MYO3B: variants seen among roughly 807,000 people sequenced by gnomAD.
MYO3B encodes the protein myosin IIIB.
In MYO3B, 156 loss-of-function variants were observed where a neutral mutation model predicts 174.6. That is an observed-to-expected ratio of 0.89 (90% CI 0.78 to 1.02). MYO3B has a LOEUF of 1.02. Among genes scored for constraint, MYO3B ranks in the 50% least tolerant of loss-of-function variants. MYO3B has a pLI of 0.00. For synonymous variants in MYO3B, 563 were observed against 569.1 expected (o/e 0.99, Z 0.15); for missense variants, 1,632 against 1,639.4 (o/e 1.00, Z 0.08).
chr2:170,652,343 A>T (rs1699065671), intron 34 of MYO3B, among the ~76,000 whole-genome samples, 189 bp downstream of exon 34: 2 of 152,330 alleles, frequency 1.3e-5, no homozygotes, highest in South Asian at 2.1e-4. Flanking sequence ...TCTGTCCAAA[A>T]AGGTTGAAAT....
At chr2:170,530,349 G>A (rs111635576) in intron 30 of MYO3B, among the ~76,000 whole-genome samples, 2 of 152,280 alleles carry the variant, frequency 1.3e-5, no homozygotes, top group East Asian at 3.9e-4. Context: ...GGCCTTCCTC[G>A]CTCTGATCCA....
chr2:170,568,957 A>G (rs1401358249), intron 32 of MYO3B, among the ~76,000 whole-genome samples: 1 of 152,222 alleles, frequency 6.6e-6, no homozygotes, highest in Non-Finnish European at 1.5e-5. Flanking sequence ...GTGTCCTATT[A>G]GATAAGTTTC....
intron 25 of MYO3B, among the ~76,000 whole-genome samples, chr2:170,475,411 T>C (rs941214257): frequency 6.6e-6 from 1 of 152,158 alleles, no homozygotes; most frequent in African/African-American, 2.4e-5. Flanking sequence ...CCACCATGCC[T>C]GGCTAATTTT....
At position 170,382,076 on chromosome 2, in the gene MYO3B, T is replaced by G; in HGVS notation, c.1032T>G (p.Leu344=). 1 of 1,613,604 alleles carries G rather than the reference T, an allele frequency of 6.2e-7. No individual in the cohort carries two copies. Among genetic ancestry groups the G allele is most frequent in the Non-Finnish European group, 8.5e-7 (1 of 1,179,656 alleles). Residue 344 remains leucine, a synonymous_variant, in exon 10 of 35, where the codon CTT becomes CTG. Coordinates refer to ENST00000408978, the MANE Select transcript of MYO3B (RefSeq NM_138995.5). ...YHVEDAEKYC[L]EDDLVNLEVL... is the part of the protein sequence containing the mutation. ...TGGAAGATGCTGAAAAATACTGCCT[T>G]GAGGATGATTTGGTCAACCTAGAGG...
chr2:170,576,069 T>C (rs1168480266), intron 32 of MYO3B, among the ~76,000 whole-genome samples: 1 of 152,236 alleles, frequency 6.6e-6, no homozygotes, highest in Non-Finnish European at 1.5e-5. Flanking sequence ...TATGCAGTGC[T>C]CTTTCTTTAA....
At chr2:170,194,129 G>A (rs934469696) in intron 1 of MYO3B, among the ~76,000 whole-genome samples, 2 of 152,140 alleles carry the variant, frequency 1.3e-5, no homozygotes, top group Non-Finnish European at 2.9e-5. Context: ...TTGCATGTCT[G>A]AAAGTGTCTG....
At chr2:170,269,867 G>C (rs2093413663) in intron 7 of MYO3B, among the ~76,000 whole-genome samples, 1 of 152,156 alleles carries the variant, frequency 6.6e-6, no homozygotes, top group East Asian at 1.9e-4. Flanking sequence ...AACACAGATT[G>C]CTGGGCTTCC....
chr2:170,417,914 A>G (rs764264152), intron 22 of MYO3B, among the ~76,000 whole-genome samples: 9 of 134,348 alleles, frequency 6.7e-5, no homozygotes, highest in Non-Finnish European at 1.4e-4. Context: ...TAGGGACACA[A>G]TTACACAATT....
At chr2:170,509,339 A>G (rs114784010) in intron 28 of MYO3B, among the ~76,000 whole-genome samples, 2 of 152,206 alleles carry the variant, frequency 1.3e-5, no homozygotes, top group Non-Finnish European at 2.9e-5. Flanking sequence ...TCTGGGTGAC[A>G]CGGTGAGACC....
intron 9 of MYO3B, among the ~76,000 whole-genome samples, chr2:170,375,356 G>C (rs536188355): frequency 2.0e-5 from 3 of 152,154 alleles, no homozygotes; most frequent in Non-Finnish European, 4.4e-5. Context: ...TCTCTGCCAC[G>C]ACCATGAACT....
intron 32 of MYO3B, among the ~76,000 whole-genome samples, chr2:170,650,554 G>T (rs1426666259): frequency 2.0e-5 from 3 of 151,838 alleles, no homozygotes; most frequent in African/African-American, 7.3e-5. Flanking sequence ...TGACAGAGGT[G>T]TGTGTGTCTG....
chr2:170,435,837 G>C (rs2094749668), intron 22 of MYO3B, among the ~76,000 whole-genome samples: 1 of 152,186 alleles, frequency 6.6e-6, no homozygotes, highest in African/African-American at 2.4e-5. Context: ...TATAAACCCA[G>C]AGGGTGCAGC....
At chr2:170,423,509 A>G (rs907930459) in intron 22 of MYO3B, among the ~76,000 whole-genome samples, 3 of 152,028 alleles carry the variant, frequency 2.0e-5, no homozygotes, top group Non-Finnish European at 4.4e-5. Context: ...TTTCTTGTGT[A>G]CAGACTTGAC....
rs985539341 is a variant in MYO3B at position 170,594,557 on chromosome 2, G to T, written c.3733+50569G>T. Among the ~76,000 whole-genome samples the T allele has an allele frequency of 3.4e-4, 51 of 152,178 alleles. 1 individual carries two copies. Among genetic ancestry groups the T allele is most frequent in the Admixed American group, 1.1e-3 (17 of 15,266 alleles). On this transcript the variant is annotated intron_variant, in intron 32 of 34. Coordinates refer to ENST00000408978, the MANE Select transcript of MYO3B (RefSeq NM_138995.5). ...TAACAAATTTTCTAATAGCAAATAG[G>T]AATTTTACCACAGGTTTCAAGGGAG...
chr2:170,477,200 C>A (rs1383407114), intron 25 of MYO3B, among the ~76,000 whole-genome samples: 1 of 152,138 alleles, frequency 6.6e-6, no homozygotes, highest in Non-Finnish European at 1.5e-5. Context: ...TGATGGTCAG[C>A]CTTTGTGCAT....
chr2:170,222,549 TA>T (rs2092912437), intron 6 of MYO3B, among the ~76,000 whole-genome samples: 1 of 152,126 alleles, frequency 6.6e-6, no homozygotes, highest in African/African-American at 2.4e-5. Flanking sequence ...GCAAGCTGCG[TA>T]ACTCCAGTCT....
intron 32 of MYO3B, among the ~76,000 whole-genome samples, chr2:170,632,532 A>G (rs1377810939): frequency 6.6e-6 from 1 of 152,252 alleles, no homozygotes; most frequent in Non-Finnish European, 1.5e-5. Flanking sequence ...AGAAAGCAGG[A>G]AAGATCTAAA....
chr2:170,215,973 C>G (rs1430199152), intron 5 of MYO3B, among the ~76,000 whole-genome samples: 1 of 152,202 alleles, frequency 6.6e-6, no homozygotes, highest in Non-Finnish European at 1.5e-5. Flanking sequence ...CCTGAACTTT[C>G]AGTGGCTGCA....
intron 7 of MYO3B, among the ~76,000 whole-genome samples, chr2:170,301,428 T>C (rs1237655711): frequency 2.0e-5 from 3 of 152,212 alleles, no homozygotes; most frequent in African/African-American, 7.2e-5. Flanking sequence ...GTATCGATAA[T>C]AGTTTTAGAT....
Sources: gnomAD v4.1 joint callset for allele counts (sites outside exome capture counted in the v4.1 genomes callset) on GRCh38, gnomAD v4.1.1 for gene constraint, MANE v1.5 for transcripts, NCBI Gene and HGNC (gene_info 2026-07-23, HGNC 2026-07-21) for gene names.